The following KLHL32 variants were observed in gnomAD, a reference collection of about 807,000 sequenced individuals.
The protein encoded by KLHL32 is kelch like family member 32.
KLHL32 carries 35 observed loss-of-function variants against 64.8 expected under a neutral mutation model. That is an observed-to-expected ratio of 0.54 (90% CI 0.41 to 0.72). The LOEUF is 0.72. Among genes scored for constraint, KLHL32 ranks in the 30% least tolerant of loss-of-function variants. KLHL32 has a pLI of 0.00. For synonymous variants in KLHL32, 259 were observed against 281.0 expected, an observed-to-expected ratio of 0.92 and a Z score of 0.78; for missense variants, 589 against 768.5, an observed-to-expected ratio of 0.77 and a Z score of 2.76.
At chr6:96,938,759 A>C (rs1467674432) in intron 1 of KLHL32, among the ~76,000 whole-genome samples, 1 of 151,556 alleles carries the variant, frequency 6.6e-6, no homozygotes, top group Non-Finnish European at 1.5e-5. Context: ...ATTTCTTTGA[A>C]CCCCAGTATT....
At chr6:96,910,892 T>C in the KLHL32 span, among the ~76,000 whole-genome samples, 1 of 152,224 alleles carries the variant, frequency 6.6e-6, no homozygotes, top group African/African-American at 2.4e-5. Context: ...TAATTGCCAA[T>C]TTTATTTTAA....
chr6:96,992,238 C>A lies in KLHL32; in HGVS notation c.204+16061C>A, dbSNP rs375413264. Among the ~76,000 whole-genome samples the A allele has an allele frequency of 4.1e-4, 63 of 152,346 alleles. No individual in the cohort carries two copies. The East Asian group carries it at 0.01, about 25-fold the overall frequency. On this transcript the variant is annotated intron_variant, in intron 3 of 10. Coordinates refer to ENST00000369261, the MANE Select transcript of KLHL32 (RefSeq NM_052904.4). ...CAGGGGATCCATGGCTCCCGGGACCCAGGGTTGCAAAGGTCCATGGCAGAA... is the reference window on the plus strand; with the variant it reads ...CAGGGGATCCATGGCTCCCGGGACCAAGGGTTGCAAAGGTCCATGGCAGAA...
intron 1 of KLHL32, among the ~76,000 whole-genome samples, chr6:96,937,490 A>G (rs1011341959): frequency 1.3e-5 from 2 of 152,170 alleles, no homozygotes; most frequent in African/African-American, 4.8e-5. Context: ...CCTGTACTCC[A>G]TCCATGTGTG....
intron 3 of KLHL32, among the ~76,000 whole-genome samples, chr6:96,996,622 T>C (rs9481177): frequency 0.078 from 11,835 of 152,224 alleles, 983 homozygotes; most frequent in Admixed American, 0.22. Flanking sequence ...TATAATGTAA[T>C]TGGTATACCA....
chr6:96,987,055 AT>A (rs1777193753), intron 3 of KLHL32, among the ~76,000 whole-genome samples: 2 of 152,134 alleles, frequency 1.3e-5, no homozygotes, highest in African/African-American at 4.8e-5. Flanking sequence ...CAGTGGTGAT[AT>A]CCCCTTTATC....
chr6:96,975,903 G>A lies in KLHL32; in HGVS notation c.24-94G>A, dbSNP rs892677490. On this transcript the variant is annotated intron_variant, in intron 2 of 10. Coordinates refer to ENST00000369261, the MANE Select transcript of KLHL32 (RefSeq NM_052904.4). ...ACACTCATAGAGTGCACTGGAACCC[G>A]TGTTGCCTCAGTCGATGTTCAAGGA... 22 of 943,132 alleles carry A rather than the reference G, an allele frequency of 2.3e-5. 1 individual carries two copies. Among genetic ancestry groups the A allele is most frequent in the East Asian group, 1.1e-4 (4 of 35,668 alleles). 58.4% of individuals were successfully genotyped at this position (943,132 alleles called of 1,614,324 possible). A position where few individuals can be genotyped will look rare whatever the true frequency, so the allele number is the denominator to read the frequency against.
chr6:97,000,452 C>T (rs560172858), intron 3 of KLHL32, among the ~76,000 whole-genome samples: 1 of 152,252 alleles, frequency 6.6e-6, no homozygotes, highest in East Asian at 1.9e-4. Context: ...TGCTGGTAAC[C>T]GGATTTCTGA....
At chr6:97,051,865 T>C (rs578254434) in intron 4 of KLHL32, among the ~76,000 whole-genome samples, 1 of 152,268 alleles carries the variant, frequency 6.6e-6, no homozygotes, top group East Asian at 1.9e-4. Context: ...AAAAGAACAA[T>C]TGTGCTCCAG....
upstream of KLHL32, among the ~76,000 whole-genome samples, chr6:96,923,561 CA>C (rs777080149): frequency 2.0e-5 from 3 of 152,176 alleles, no homozygotes; most frequent in Non-Finnish European, 4.4e-5. Flanking sequence ...CCAGAGGGAG[CA>C]AACGAATAAA....
intron 6 of KLHL32, among the ~76,000 whole-genome samples, chr6:97,099,755 G>T (rs1418385820): frequency 6.6e-6 from 1 of 152,028 alleles, no homozygotes; most frequent in African/African-American, 2.4e-5. Flanking sequence ...TTACATGCTT[G>T]ATTTCTGTTT....
chr6:96,983,047 A>C (rs1776521998), intron 3 of KLHL32, among the ~76,000 whole-genome samples: 1 of 152,362 alleles, frequency 6.6e-6, no homozygotes, highest in East Asian at 1.9e-4. Context: ...GTTTTGAGAT[A>C]CGTCCCATCA....
In KLHL32 at chr6:97,033,366, T is replaced by A. The variant is rs559459945; in HGVS notation, c.205-8126T>A. Among the ~76,000 whole-genome samples, 9 of 152,302 alleles carry A rather than the reference T, an allele frequency of 5.9e-5. No homozygotes were observed. The East Asian group carries it at 1.7e-3, about 29-fold the overall frequency. ...CAAATGGCAGGATTTTCTTCTTTTT[T>A]AAGGCTAAATAATGTTCGTATGTGT... On this transcript the variant is annotated intron_variant, in intron 3 of 10. Coordinates refer to ENST00000369261, the MANE Select transcript of KLHL32 (RefSeq NM_052904.4).
chr6:97,133,638 A>G (rs900512072), intron 10 of KLHL32, among the ~76,000 whole-genome samples: 1 of 152,194 alleles, frequency 6.6e-6, no homozygotes, highest in African/African-American at 2.4e-5. Context: ...AATTGCTAGC[A>G]TATAGTTGTT....
chr6:97,130,413 A>G (rs1799308823), intron 8 of KLHL32, among the ~76,000 whole-genome samples: 1 of 152,154 alleles, frequency 6.6e-6, no homozygotes, highest in African/African-American at 2.4e-5. Context: ...ATGTGCTTTC[A>G]CTCTTAATGA....
chr6:96,925,209 T>C (rs1768995236), intron 1 of KLHL32, among the ~76,000 whole-genome samples, 183 bp downstream of exon 1: 1 of 152,198 alleles, frequency 6.6e-6, no homozygotes, highest in South Asian at 2.1e-4. Flanking sequence ...CTGCCAGCCC[T>C]GGAGTCGCTC....
intron 5 of KLHL32, among the ~76,000 whole-genome samples, chr6:97,066,667 T>C (rs753389931): frequency 1.3e-5 from 2 of 152,236 alleles, no homozygotes; most frequent in Non-Finnish European, 2.9e-5. Context: ...ATCAAAATCA[T>C]GTCGACGTAG....
intron 5 of KLHL32, among the ~76,000 whole-genome samples, chr6:97,074,502 C>G (rs1156949416): frequency 6.6e-6 from 1 of 151,256 alleles, no homozygotes; most frequent in Admixed American, 6.6e-5. Flanking sequence ...AGATAAAAAG[C>G]GAAAATAATG....
chr6:97,004,630 T>C (rs1779437347), intron 3 of KLHL32, among the ~76,000 whole-genome samples: 1 of 152,184 alleles, frequency 6.6e-6, no homozygotes, highest in African/African-American at 2.4e-5. Context: ...TGGCTGTTAT[T>C]ATTTTGGGAT....
intron 3 of KLHL32, among the ~76,000 whole-genome samples, chr6:96,989,711 C>G (rs1047279289): frequency 1.3e-5 from 2 of 151,600 alleles, no homozygotes; most frequent in African/African-American, 4.8e-5. Flanking sequence ...GTTGCTTTTT[C>G]TCCCCCCCTC....
Sources: gnomAD v4.1 joint callset for allele counts (sites outside exome capture counted in the v4.1 genomes callset) on GRCh38, gnomAD v4.1.1 for gene constraint, MANE v1.5 for transcripts, NCBI Gene and HGNC (gene_info 2026-07-23, HGNC 2026-07-21) for gene names.